CCDC171: variants seen among roughly 807,000 people sequenced by gnomAD.
CCDC171 encodes coiled-coil domain-containing protein 171.
CCDC171 carries 177 observed loss-of-function variants against 168.2 expected under a neutral mutation model. That is an observed-to-expected ratio of 1.05 (90% CI 0.93 to 1.19). CCDC171 has a LOEUF of 1.19. Ranked by LOEUF, CCDC171 falls within the 50% of genes most tolerant of loss-of-function variation. The probability of loss-of-function intolerance (pLI) is 0.00; values close to 1 mark genes in which losing one functional copy is unlikely to be tolerated. For synonymous variants in CCDC171, 687 were observed against 540.8 expected, an observed-to-expected ratio of 1.27 and a Z score of -3.75; for missense variants, 1,991 against 1,539.0, an observed-to-expected ratio of 1.29 and a Z score of -4.91.
At chr9:15,643,488 A>C (rs2046798724) in intron 7 of CCDC171, among the ~76,000 whole-genome samples, 1 of 152,172 alleles carries the variant, frequency 6.6e-6, no homozygotes, top group Admixed American at 6.5e-5. Context: ...TTTTTTCCAC[A>C]ATGAGAATCA....
At chr9:15,757,915 C>T (rs2056224001) in intron 18 of CCDC171, among the ~76,000 whole-genome samples, 1 of 152,188 alleles carries the variant, frequency 6.6e-6, no homozygotes, top group African/African-American at 2.4e-5. Flanking sequence ...GTTTGGGAAC[C>T]TCTGCCTAGA....
intron 10 of CCDC171, among the ~76,000 whole-genome samples, chr9:15,687,259 A>G (rs1461237045): frequency 2.6e-5 from 4 of 152,166 alleles, no homozygotes; most frequent in Non-Finnish European, 4.4e-5. Context: ...AGCTAACACT[A>G]TGCTTAAGAG....
chr9:15,565,319 T>G (rs1231635388), intron 2 of CCDC171, among the ~76,000 whole-genome samples: 4 of 152,128 alleles, frequency 2.6e-5, no homozygotes, highest in East Asian at 3.8e-4. Flanking sequence ...TTTTCAATTT[T>G]GGGGAAACTT....
At chr9:15,700,415 C>G (rs988427913) in intron 11 of CCDC171, among the ~76,000 whole-genome samples, 1 of 152,214 alleles carries the variant, frequency 6.6e-6, no homozygotes, top group Non-Finnish European at 1.5e-5. Flanking sequence ...TTCCCACTCA[C>G]GCCTCTCCCT....
At chr9:15,852,463 G>T (rs1313779293) in intron 23 of CCDC171, among the ~76,000 whole-genome samples, 1 of 151,552 alleles carries the variant, frequency 6.6e-6, no homozygotes, top group Non-Finnish European at 1.5e-5. Flanking sequence ...AGAGTTCTTT[G>T]CATATTCTGG....
At chr9:15,789,758 C>G (rs570744868) in intron 21 of CCDC171, among the ~76,000 whole-genome samples, 1 of 128,064 alleles carries the variant, frequency 7.8e-6, no homozygotes, top group African/African-American at 2.9e-5. Flanking sequence ...CCCCTCCCCC[C>G]ACCCTACGAC....
At chr9:15,632,943 T>A (rs981663794) in intron 7 of CCDC171, among the ~76,000 whole-genome samples, 1 of 152,216 alleles carries the variant, frequency 6.6e-6, no homozygotes, top group African/African-American at 2.4e-5. Context: ...GTTTAATAAA[T>A]GGTGCTGGGA....
At chr9:15,709,735 T>C (rs1413812395) in intron 11 of CCDC171, among the ~76,000 whole-genome samples, 1 of 152,086 alleles carries the variant, frequency 6.6e-6, no homozygotes, top group Non-Finnish European at 1.5e-5. Flanking sequence ...AATGAACATG[T>C]TTTTTCTTAC....
chr9:15,828,616 A>G (rs999608826), intron 21 of CCDC171, among the ~76,000 whole-genome samples: 2 of 152,206 alleles, frequency 1.3e-5, no homozygotes, highest in Non-Finnish European at 2.9e-5. Flanking sequence ...TTTAAGTGCA[A>G]TACAGAATAG....
chr9:15,631,824 G>A (rs2045733578), intron 7 of CCDC171, among the ~76,000 whole-genome samples: 1 of 152,276 alleles, frequency 6.6e-6, no homozygotes, highest in South Asian at 2.1e-4. Context: ...TATCCACCAT[G>A]ATCAAGTGGG....
chr9:15,955,417 A>G (rs2132543018), intron 25 of CCDC171, among the ~76,000 whole-genome samples: 1 of 152,238 alleles, frequency 6.6e-6, no homozygotes, highest in South Asian at 2.1e-4. Context: ...CCTCTGTGAT[A>G]AGAAGCGACA....
chr9:15,784,199 A>G (rs76262147), intron 20 of CCDC171, among the ~76,000 whole-genome samples: 4,308 of 152,284 alleles, frequency 0.028, 231 homozygotes, highest in African/African-American at 0.098. Flanking sequence ...AATTCCCACA[A>G]TCATAATCTT....
chr9:16,104,694 AC>A, the CCDC171 span, among the ~76,000 whole-genome samples: 1 of 146,588 alleles, frequency 6.8e-6, no homozygotes, highest in Admixed American at 6.8e-5. Context: ...CCATCCACCC[AC>A]CCGTTCACCC....
At chr9:15,898,290 T>C (rs1821164214) in intron 24 of CCDC171, among the ~76,000 whole-genome samples, 1 of 152,156 alleles carries the variant, frequency 6.6e-6, no homozygotes, top group African/African-American at 2.4e-5. Flanking sequence ...TTCACCTCCT[T>C]TGGGGCTTAC....
chr9:15,745,638 T>A lies in CCDC171; in HGVS notation c.2671+7T>A. Reference sequence around the variant, plus strand: ...GACGTCATTGGTAAAGCAGGTATGGTTCCTTCTTTTATGTCCTTGCAAAAT... The same window carrying A: ...GACGTCATTGGTAAAGCAGGTATGGATCCTTCTTTTATGTCCTTGCAAAAT... On this transcript the variant is annotated splice_region_variant and intron_variant, in intron 18 of 25. Transcript: ENST00000380701. 6 of 1,516,720 alleles carry A rather than the reference T, an allele frequency of 4.0e-6. No individual in the cohort carries two copies. Among genetic ancestry groups the A allele is most frequent in the Non-Finnish European group, 5.3e-6 (6 of 1,125,476 alleles). The allele number at this position is 1,516,720 out of a possible 1,614,324, so 94.0% of individuals were successfully genotyped here.
chr9:15,883,614 G>A (rs1748764743), intron 24 of CCDC171, among the ~76,000 whole-genome samples: 1 of 152,112 alleles, frequency 6.6e-6, no homozygotes, highest in African/African-American at 2.4e-5. Flanking sequence ...CTTTTAAAAA[G>A]GACAAGATGA....
chr9:15,691,388 A>G (rs961059651), intron 10 of CCDC171, among the ~76,000 whole-genome samples: 119 of 151,332 alleles, frequency 7.9e-4, no homozygotes, highest in African/African-American at 2.6e-3. Flanking sequence ...ATTTCCTATA[A>G]TTATAAAACA....
At chr9:15,949,405 C>T (rs1428622045) in intron 25 of CCDC171, among the ~76,000 whole-genome samples, 4 of 152,074 alleles carry the variant, frequency 2.6e-5, no homozygotes, top group Admixed American at 6.6e-5. Context: ...CTCTAAATTA[C>T]CTTGGGCAGT....
intron 21 of CCDC171, among the ~76,000 whole-genome samples, chr9:15,796,024 A>G (rs1026898599): frequency 5.3e-5 from 8 of 152,262 alleles, no homozygotes; most frequent in South Asian, 2.1e-4. Context: ...ATAGAATTCA[A>G]TATTACAAAT....
Sources: allele counts gnomAD v4.1 joint callset (sites outside exome capture counted in the v4.1 genomes callset), GRCh38; gene constraint gnomAD v4.1.1; transcripts MANE v1.5; gene names NCBI Gene and HGNC (gene_info 2026-07-23, HGNC 2026-07-21).